Variants in ADGRV1 observed in about 807,000 individuals in gnomAD.
ADGRV1 encodes adhesion G protein-coupled receptor V1, also known as G-protein coupled receptor 98.
In ADGRV1, 359 loss-of-function variants were observed where a neutral mutation model predicts 596.2. The observed-to-expected ratio is 0.60, with a 90% CI of 0.55 to 0.66. ADGRV1 has a LOEUF of 0.66. Among genes scored for constraint, ADGRV1 ranks in the 30% least tolerant of loss-of-function variants. ADGRV1 has a pLI of 0.00. For synonymous variants in ADGRV1, 2,681 were observed against 2,679.2 expected, an observed-to-expected ratio of 1.00 and a Z score of -0.02; for missense variants, 7,274 against 7,575.6, an observed-to-expected ratio of 0.96 and a Z score of 1.48.
intron 53 of ADGRV1, among the ~76,000 whole-genome samples, chr5:90,752,872 A>G (rs1755422992): frequency 6.6e-6 from 1 of 152,196 alleles, no homozygotes; most frequent in Non-Finnish European, 1.5e-5. Context: ...AGGTGGAAAA[A>G]CGAATGTCAG....
chr5:91,023,417 G>A (rs1443794389), intron 85 of ADGRV1, among the ~76,000 whole-genome samples: 6 of 152,116 alleles, frequency 3.9e-5, no homozygotes, highest in Non-Finnish European at 7.4e-5. Context: ...GGAATGGAAA[G>A]GAAAGCAAAT....
intron 82 of ADGRV1, among the ~76,000 whole-genome samples, chr5:90,858,159 G>T (rs1449752844): frequency 2.0e-5 from 3 of 152,178 alleles, no homozygotes; most frequent in African/African-American, 7.2e-5. Flanking sequence ...ATTAAACTAA[G>T]ATCATTCCTT....
chr5:90,877,327 C>A (rs368771607), intron 83 of ADGRV1, among the ~76,000 whole-genome samples: 19 of 152,290 alleles, frequency 1.2e-4, no homozygotes, highest in African/African-American at 4.3e-4. Flanking sequence ...AGGAGAGCTA[C>A]TCCTGGGCAG....
intron 10 of ADGRV1, 101 bp downstream of exon 10, chr5:90,635,391 A>G: frequency 9.5e-7 from 1 of 1,050,430 alleles, no homozygotes; most frequent in Non-Finnish European, 1.4e-6. Flanking sequence ...ACATCTTAAA[A>G]AGCTTCAGCA....
At chr5:90,826,510 G>A (rs752939254) in intron 76 of ADGRV1, among the ~76,000 whole-genome samples, 8 of 152,096 alleles carry the variant, frequency 5.3e-5, no homozygotes, top group Non-Finnish European at 7.4e-5. Flanking sequence ...AGCCTCCCAG[G>A]TTTAACGGGG....
rs761286700 is a variant in ADGRV1 at position 90,854,062 on chromosome 5, G to T, written c.17455G>T (p.Val5819Leu). ...GNNLPTLKNK[V>L]LSLSVKGQSS... ...ATATGTTCTGTTTTTAACATTCTAG[G>T]TATTATCTTTGAGTGTGAAAGGTCA... Residue 5819 changes from valine (V) to leucine (L), a missense_variant and splice_region_variant, in exon 81 of 90, where the codon GTA becomes TTA. Coordinates refer to ENST00000405460, the MANE Select transcript of ADGRV1 (RefSeq NM_032119.4). The T allele has an allele frequency of 6.4e-7, 1 of 1,572,182 alleles. No individual in the cohort carries two copies.
chr5:91,067,549 CTTGT>C (rs1273605190), intron 85 of ADGRV1, among the ~76,000 whole-genome samples: 1 of 152,184 alleles, frequency 6.6e-6, no homozygotes, highest in Non-Finnish European at 1.5e-5. Flanking sequence ...GTTCACATTG[CTTGT>C]TTAATTTTTT....
Position 90,712,415 on chromosome 5 carries a change from G to A in ADGRV1, c.9171G>A (p.Gly3057=). The A allele has an allele frequency of 6.3e-7, 1 of 1,587,274 alleles. No individual in the cohort carries two copies. Among genetic ancestry groups the A allele is most frequent in the Non-Finnish European group, 8.6e-7 (1 of 1,164,262 alleles). ...ATCCTTCTCCTGGACTAGAGCTAGG[G>A]AAAAATACAATAGGTAATTAATAAT... ...LTNPSPGLEL[G]KNTIALIIVL... Residue 3057 remains glycine, a synonymous_variant, in exon 42 of 90, where the codon GGG becomes GGA. Coordinates refer to ENST00000405460, the MANE Select transcript of ADGRV1 (RefSeq NM_032119.4).
chr5:90,610,600 G>A (rs1024441044), intron 1 of ADGRV1, among the ~76,000 whole-genome samples: 5 of 152,004 alleles, frequency 3.3e-5, no homozygotes, highest in Admixed American at 6.6e-5. Context: ...GATAGCTAGC[G>A]TGGTGTCCTT....
intron 57 of ADGRV1, 37 bp from the exon 58 acceptor site, chr5:90,759,372 C>T (rs1756203462): frequency 5.2e-6 from 7 of 1,358,776 alleles, no homozygotes; most frequent in East Asian, 2.5e-5. Flanking sequence ...CCTTCTTTTC[C>T]TCCCTCTCTT....
At position 90,627,238 on chromosome 5, in the gene ADGRV1, A is replaced by C; in HGVS notation, c.700A>C (p.Ile234Leu). 1 of 1,545,334 alleles carries C rather than the reference A, an allele frequency of 6.5e-7. No homozygotes were observed. The highest frequency in any genetic ancestry group is 8.7e-7 in the Non-Finnish European group (1 of 1,147,724). ...ACCAGAAAATGATGAAATATTTTTA[A>C]TTCAACTGAAAAGTGTAGAAGGAGG... is the stretch of plus-strand genomic sequence containing the variant. Reference protein sequence around the residue: ...EVPENDEIFLIQLKSVEGGAE... With the variant: ...EVPENDEIFLLQLKSVEGGAE... Residue 234 changes from isoleucine (I) to leucine (L), a missense_variant, in exon 7 of 90, where the codon ATT becomes CTT. By Grantham distance (5) the Ile-to-Leu change is conservative. Coordinates refer to ENST00000405460, the MANE Select transcript of ADGRV1 (RefSeq NM_032119.4).
intron 20 of ADGRV1, among the ~76,000 whole-genome samples, chr5:90,657,462 A>G (rs1288659543): frequency 2.6e-5 from 4 of 151,980 alleles, no homozygotes; most frequent in Admixed American, 6.6e-5. Context: ...ATAAATAAAT[A>G]CATAATTAAA....
At chr5:91,128,256 A>G (rs977079554) in intron 87 of ADGRV1, among the ~76,000 whole-genome samples, 4 of 152,020 alleles carry the variant, frequency 2.6e-5, no homozygotes, top group African/African-American at 9.7e-5. Context: ...GCATTTATGT[A>G]TAGACAGTCC....
chr5:90,900,506 C>T (rs1771742354), intron 83 of ADGRV1, among the ~76,000 whole-genome samples: 1 of 151,842 alleles, frequency 6.6e-6, no homozygotes, highest in African/African-American at 2.4e-5. Flanking sequence ...TTTTCATTTG[C>T]TTAGGTTTTT....
chr5:90,973,872 A>G (rs573827168), intron 84 of ADGRV1, among the ~76,000 whole-genome samples: 1 of 152,314 alleles, frequency 6.6e-6, no homozygotes, highest in South Asian at 2.1e-4. Flanking sequence ...CAGAAGAAAG[A>G]AAGAAAGGGT....
chr5:90,741,419 A>T (rs1440771560), intron 50 of ADGRV1, among the ~76,000 whole-genome samples: 1 of 152,124 alleles, frequency 6.6e-6, no homozygotes, highest in Non-Finnish European at 1.5e-5. Flanking sequence ...TGTATCTTTC[A>T]TCATATATTT....
At chr5:90,805,899 C>T (rs1247154708) in intron 72 of ADGRV1, among the ~76,000 whole-genome samples, 1 of 152,076 alleles carries the variant, frequency 6.6e-6, no homozygotes, top group Non-Finnish European at 1.5e-5. Flanking sequence ...TAGTGAGATG[C>T]AAATGTTAGA....
At chr5:90,573,400 A>G (rs1201833148) in intron 1 of ADGRV1, among the ~76,000 whole-genome samples, 2 of 152,170 alleles carry the variant, frequency 1.3e-5, no homozygotes, top group Non-Finnish European at 2.9e-5. Context: ...TACTTACACA[A>G]ACCTAGATGG....
At chr5:90,760,830 A>G (rs1397865130) in intron 58 of ADGRV1, among the ~76,000 whole-genome samples, 1 of 152,224 alleles carries the variant, frequency 6.6e-6, no homozygotes, top group Non-Finnish European at 1.5e-5. Context: ...TTGTGCAGCC[A>G]TATTTGGTAC....
Sources: gnomAD v4.1 joint callset for allele counts (sites outside exome capture counted in the v4.1 genomes callset) on GRCh38, gnomAD v4.1.1 for gene constraint, MANE v1.5 for transcripts, NCBI Gene and HGNC (gene_info 2026-07-23, HGNC 2026-07-21) for gene names.